TBC1D19: variants seen among roughly 807,000 people sequenced by gnomAD.
TBC1D19 encodes TBC1 domain family, member 19.
A neutral mutation model predicts 89.0 loss-of-function variants in TBC1D19; 60 were observed. That is an observed-to-expected ratio of 0.67 (90% confidence interval 0.55 to 0.84). TBC1D19 has a LOEUF of 0.84. Ranked by LOEUF, TBC1D19 falls within the 40% of genes least tolerant of loss-of-function variation. The pLI, the probability that TBC1D19 is intolerant of heterozygous loss-of-function variation, is 0.00. For synonymous variants in TBC1D19, 189 were observed against 199.7 expected, an observed-to-expected ratio of 0.95 and a Z score of 0.45; for missense variants, 500 against 610.8, an observed-to-expected ratio of 0.82 and a Z score of 1.91.
At chr4:26,775,932 T>TA in the TBC1D19 span, among the ~76,000 whole-genome samples, 1 of 152,210 alleles carries the variant, frequency 6.6e-6, no homozygotes, top group African/African-American at 2.4e-5. Context: ...ATGCAGTTTT[T>TA]ATCCTTATTG....
At chr4:26,827,771 C>T in the TBC1D19 span, among the ~76,000 whole-genome samples, 1 of 150,670 alleles carries the variant, frequency 6.6e-6, no homozygotes, top group Non-Finnish European at 1.5e-5. Context: ...AATGCAGTGC[C>T]TATTTACAGG....
At chr4:26,625,114 T>A (rs1248734968) in intron 4 of TBC1D19, among the ~76,000 whole-genome samples, 1 of 152,166 alleles carries the variant, frequency 6.6e-6, no homozygotes, top group Non-Finnish European at 1.5e-5. Flanking sequence ...CACTTAGCTC[T>A]TGATCATGTC....
rs1033572340 is a variant in TBC1D19, at chr4:26,742,723, A to G, written c.1319+124A>G. 4 of 585,416 alleles carry G rather than the reference A, an allele frequency of 6.8e-6. No individual in the cohort carries two copies. The African/African-American group carries it at 7.6e-5, about 11-fold the overall frequency. The allele number at this position is 585,416 out of a possible 1,614,324, so 36.3% of individuals were successfully genotyped here. ...CATTAAGCTAACAGTTTTCCTAATA[A>G]AACTATAATTATCAATTAGTAAATT... On this transcript the variant is annotated intron_variant, in intron 18 of 20. Coordinates refer to ENST00000264866, the MANE Select transcript of TBC1D19 (RefSeq NM_018317.4).
the TBC1D19 span, among the ~76,000 whole-genome samples, chr4:26,808,768 A>G: frequency 1.7e-4 from 25 of 151,256 alleles, no homozygotes; most frequent in African/African-American, 5.6e-4. Context: ...AGAAATTTGT[A>G]GCTAAGAGGG....
the TBC1D19 span, among the ~76,000 whole-genome samples, chr4:26,783,297 C>T: frequency 2.0e-5 from 3 of 152,184 alleles, no homozygotes; most frequent in Non-Finnish European, 2.9e-5. Context: ...GAAGGCTGCT[C>T]ATGTTTTCTC....
chr4:26,640,749 G>A (rs921783575), intron 7 of TBC1D19, among the ~76,000 whole-genome samples: 42 of 152,338 alleles, frequency 2.8e-4, no homozygotes, highest in African/African-American at 9.9e-4. Flanking sequence ...ACACCAGGAG[G>A]TTATATCCCA....
the TBC1D19 span, among the ~76,000 whole-genome samples, chr4:26,851,925 A>G: frequency 6.6e-6 from 1 of 152,250 alleles, no homozygotes; most frequent in South Asian, 2.1e-4. Flanking sequence ...TGAGACAGAA[A>G]GGGTATGTCT....
At chr4:26,671,378 G>A (rs1712290032) in intron 9 of TBC1D19, among the ~76,000 whole-genome samples, 1 of 151,742 alleles carries the variant, frequency 6.6e-6, no homozygotes, top group Admixed American at 6.6e-5. Flanking sequence ...GTTCGTGTCT[G>A]AGAGTCATCT....
chr4:26,847,697 T>G, the TBC1D19 span, among the ~76,000 whole-genome samples: 2 of 152,124 alleles, frequency 1.3e-5, no homozygotes, highest in Non-Finnish European at 2.9e-5. Context: ...GCATCAGAAA[T>G]AGACACTGGA....
downstream of TBC1D19, among the ~76,000 whole-genome samples, chr4:26,756,264 A>G (rs1719259017): frequency 6.6e-6 from 1 of 152,202 alleles, no homozygotes; most frequent in Non-Finnish European, 1.5e-5. Context: ...TTGTTTGCAA[A>G]TGCACATTAA....
In TBC1D19 at chr4:26,753,806, G is replaced by T; in HGVS notation, c.1436-14G>T. The T allele has an allele frequency of 1.2e-6, 2 of 1,613,704 alleles. No individual in the cohort carries two copies. Among genetic ancestry groups the T allele is most frequent in the Non-Finnish European group, 1.7e-6 (2 of 1,179,714 alleles). ...AGTAGGCCAGCAGTTGAAGTAGTGT[G>T]CATTCTTTTCCAGTGCTGGCAGCTG... On this transcript the variant is annotated splice_polypyrimidine_tract_variant and intron_variant, in intron 19 of 20. Transcript: ENST00000264866.
intron 18 of TBC1D19, among the ~76,000 whole-genome samples, chr4:26,745,801 C>T (rs977156058): frequency 9.2e-5 from 14 of 151,930 alleles, no homozygotes; most frequent in Non-Finnish European, 2.1e-4. Flanking sequence ...TGTGAGCCAC[C>T]GCACCCAGCC....
intron 3 of TBC1D19, among the ~76,000 whole-genome samples, chr4:26,615,468 T>TTC (rs397880507): frequency 1.3e-5 from 2 of 151,758 alleles, no homozygotes; most frequent in Admixed American, 1.3e-4. Flanking sequence ...TTTTTTTTTT[T>TTC]CCTTTACTGC....
chr4:26,759,036 C>A (rs1719367949), downstream of TBC1D19, among the ~76,000 whole-genome samples: 1 of 152,152 alleles, frequency 6.6e-6, no homozygotes, highest in Non-Finnish European at 1.5e-5. Flanking sequence ...CTTAGAATGC[C>A]TTCTCTTCCC....
intron 13 of TBC1D19, among the ~76,000 whole-genome samples, chr4:26,713,282 G>A (rs1399977746): frequency 6.6e-6 from 1 of 151,922 alleles, no homozygotes; most frequent in Non-Finnish European, 1.5e-5. Context: ...TAAGGGTACA[G>A]TTTAGCACTG....
At chr4:26,578,000 T>C (rs1356762829) in intron 1 of TBC1D19, among the ~76,000 whole-genome samples, 1 of 152,174 alleles carries the variant, frequency 6.6e-6, no homozygotes, top group African/African-American at 2.4e-5. Flanking sequence ...TCTTCTCTCT[T>C]CTCCTTTGTG....
At chr4:26,610,271 A>G (rs1257158285) in intron 1 of TBC1D19, among the ~76,000 whole-genome samples, 1 of 151,948 alleles carries the variant, frequency 6.6e-6, no homozygotes, top group Non-Finnish European at 1.5e-5. Context: ...ATGTATTGTT[A>G]TGGGGTGAAG....
At position 26,649,801 on chromosome 4, in the gene TBC1D19, T is replaced by C. The variant is rs775240405; in HGVS notation, c.480+9614T>C. ...TATGTATACATGTGCCATGTAGGTG[T>C]GCTGCACCCATTAACTCGTCATTTA... On this transcript the variant is annotated intron_variant, in intron 7 of 20. Coordinates refer to ENST00000264866, the MANE Select transcript of TBC1D19 (RefSeq NM_018317.4). 5.1e-4 allele frequency among the ~76,000 whole-genome samples: 78 copies of C among 152,060 alleles called. 1 individual carries two copies. Among genetic ancestry groups the C allele is most frequent in the Non-Finnish European group, 9.3e-4 (63 of 68,030 alleles).
At chr4:26,653,696 C>T (rs1744573179) in intron 7 of TBC1D19, among the ~76,000 whole-genome samples, 1 of 151,966 alleles carries the variant, frequency 6.6e-6, no homozygotes. Context: ...GGATTGCAAC[C>T]CCTGCCTTTT....
Sources: allele counts gnomAD v4.1 joint callset (sites outside exome capture counted in the v4.1 genomes callset), GRCh38; gene constraint gnomAD v4.1.1; transcripts MANE v1.5; gene names NCBI Gene and HGNC (gene_info 2026-07-23, HGNC 2026-07-21).